The following HTT variants were observed in gnomAD, a reference collection of about 807,000 sequenced individuals.
HTT encodes huntingtin, also known as huntington disease protein.
Under a neutral mutation model 362.3 loss-of-function variants are expected in HTT, and 104 were observed. The ratio of observed to expected loss-of-function variants is 0.29; its 90% confidence interval spans 0.24 to 0.34. HTT has a LOEUF of 0.34. Among genes scored for constraint, HTT ranks in the 10% least tolerant of loss-of-function variants. The probability of loss-of-function intolerance (pLI) is 1.00; values close to 1 mark genes in which losing one functional copy is unlikely to be tolerated. For missense variants in HTT, 3,301 were observed against 3,928.6 expected (o/e 0.84, Z 4.27); for synonymous variants, 1,577 against 1,548.7 (o/e 1.02, Z -0.43).
intron 61 of HTT, among the ~76,000 whole-genome samples, chr4:3,234,741 T>TA (rs1258281257): frequency 1.3e-5 from 2 of 152,192 alleles, no homozygotes; most frequent in Non-Finnish European, 1.5e-5. Flanking sequence ...TGGTGACAGA[T>TA]ATACGCATCA....
chr4:3,101,509 G>A (rs1439862007), intron 3 of HTT, among the ~76,000 whole-genome samples: 11 of 152,246 alleles, frequency 7.2e-5, no homozygotes, highest in African/African-American at 2.7e-4. Flanking sequence ...AGGGGGAGGC[G>A]TGGGAGAGCA....
At chr4:3,176,819 G>C (rs1470343710) in intron 33 of HTT, among the ~76,000 whole-genome samples, 1 of 152,230 alleles carries the variant, frequency 6.6e-6, no homozygotes, top group Non-Finnish European at 1.5e-5. Flanking sequence ...GAGGCTCTGA[G>C]AAAACCAGGC....
At position 3,235,791 on chromosome 4, in the gene HTT, A is replaced by T. The variant is rs778627138; in HGVS notation, c.8785+13A>T. On this transcript the variant is annotated intron_variant, in intron 63 of 66. Transcript: ENST00000355072. ...TGCATGTACACAGGTGAGCATGTAC[A>T]CGGTGCCCATAAGGCCAGCCCAAGT... 14 of 1,594,482 alleles carry T rather than the reference A, an allele frequency of 8.8e-6. No homozygotes were observed. The East Asian group carries it at 2.9e-4, about 33-fold the overall frequency.
intron 39 of HTT, 106 bp downstream of exon 39, chr4:3,187,992 GAGTTGGGTAAAGA>G: frequency 1.5e-6 from 1 of 675,100 alleles, no homozygotes; most frequent in East Asian, 2.7e-5. Flanking sequence ...CTTCACTTCT[GAGTTGGGTAAAGA>G]AGTCTGTATC....
chr4:3,235,463 A>G (rs2110302781), intron 62 of HTT, 65 bp downstream of exon 62: 1 of 1,505,014 alleles, frequency 6.6e-7, no homozygotes, highest in Admixed American at 1.7e-5. Context: ...TTTTCCTTGC[A>G]GGATCATACC....
Position 3,160,307 on chromosome 4 carries a change from C to T in HTT, c.3779C>T (p.Thr1260Met), listed in dbSNP as rs34315806. 4.7e-3 allele frequency: 7,334 copies of T among 1,552,390 alleles called. 249 individuals are homozygous for T. In the African/African-American group the frequency reaches 0.08, roughly 17 times the overall value. The change falls in exon 29 of 67, where the codon ACG (threonine) becomes ATG (methionine). Residue 1260 changes from threonine to methionine, a missense_variant. Physicochemically the swap from Thr to Met is moderately conservative, Grantham distance 81. Transcript: ENST00000355072. The stretch of plus-strand genomic sequence containing the variant: ...GTCACGCTGGATCTTCAGAACAGCA[C>T]GGAAAAGTTTGGAGGGTTTCTCCGC... Reference protein sequence around the residue: ...YKVTLDLQNSTEKFGGFLRSA... With the variant: ...YKVTLDLQNSMEKFGGFLRSA...
Position 3,242,163 on chromosome 4 carries a change from CTG to C in HTT, c.*2107_*2108del, listed in dbSNP as rs1325581952. On this transcript the variant is annotated 3_prime_UTR_variant, in exon 67 of 67. Transcript: ENST00000355072. Reference sequence around the variant, plus strand: ...ATGTTTACATTTGTAAGAAATAACACTGTGAATGTAAAACAGAGCCATTCCCT... The same window carrying C: ...ATGTTTACATTTGTAAGAAATAACACTGAATGTAAAACAGAGCCATTCCCT... 2.0e-5 allele frequency: 3 copies of C among 152,168 alleles called. No individual in the cohort carries two copies. The highest frequency in any genetic ancestry group is 6.5e-5 in the Admixed American group (1 of 15,280). 9.4% of individuals were successfully genotyped at this position (152,168 alleles called of 1,614,324 possible). A position where few individuals can be genotyped will look rare whatever the true frequency, so the allele number is the denominator to read the frequency against.
At chr4:3,103,768 G>T in intron 3 of HTT, 56 bp from the exon 4 acceptor site, 1 of 1,104,094 alleles carries the variant, frequency 9.1e-7, no homozygotes, top group Non-Finnish European at 1.4e-6. Flanking sequence ...CTTTTAGCTC[G>T]TTTTAGAACT....
intron 51 of HTT, 59 bp from the exon 52 acceptor site, chr4:3,217,706 A>T: frequency 7.0e-7 from 1 of 1,429,592 alleles, no homozygotes; most frequent in Non-Finnish European, 9.6e-7. Flanking sequence ...CATGCTTTCT[A>T]CACTGGGCAT....
At chr4:3,103,051 A>G (rs1714233834) in intron 3 of HTT, among the ~76,000 whole-genome samples, 1 of 151,980 alleles carries the variant, frequency 6.6e-6, no homozygotes, top group Non-Finnish European at 1.5e-5. Flanking sequence ...GTTCTAGGCC[A>G]GAGCGAGGGT....
intron 51 of HTT, among the ~76,000 whole-genome samples, chr4:3,216,745 G>A (rs1720417918): frequency 6.6e-6 from 1 of 152,182 alleles, no homozygotes; most frequent in South Asian, 2.1e-4. Context: ...ATATTAATAG[G>A]CCGGGCGCGG....
intron 2 of HTT, among the ~76,000 whole-genome samples, chr4:3,095,002 A>G (rs879755987): frequency 2.4e-4 from 36 of 151,586 alleles, no homozygotes; most frequent in South Asian, 2.3e-3. Flanking sequence ...CACTTCCTAG[A>G]TGGGATGACA....
At position 3,074,888 on chromosome 4, in the gene HTT, G is replaced by GCAA. The variant is rs1578474937; in HGVS notation, c.65_66insACA (p.Gln38dup). 1 of 1,259,882 alleles carries GCAA rather than the reference G, an allele frequency of 7.9e-7. No homozygotes were observed. Among genetic ancestry groups the GCAA allele is most frequent in the South Asian group, 1.4e-5 (1 of 69,768 alleles). 78.0% of individuals were successfully genotyped at this position (1,259,882 alleles called of 1,614,324 possible). On this transcript the variant is annotated inframe_insertion, in exon 1 of 67. Transcript: ENST00000355072. Reference sequence around the variant, plus strand: ...CCCTCAAGTCCTTCCAGCAGCAGCAGCAGCAGCAGCAGCAGCAGCAGCAGC... The same window carrying GCAA: ...CCCTCAAGTCCTTCCAGCAGCAGCAGCAACAGCAGCAGCAGCAGCAGCAGCAGC...
At chr4:3,077,803 A>G (rs1345939885) in intron 1 of HTT, among the ~76,000 whole-genome samples, 1 of 152,234 alleles carries the variant, frequency 6.6e-6, no homozygotes. Context: ...TTTTAAATAA[A>G]ATGCATATTT....
intron 2 of HTT, among the ~76,000 whole-genome samples, chr4:3,097,370 G>A (rs1002195599): frequency 1.3e-4 from 20 of 152,228 alleles, no homozygotes; most frequent in Middle Eastern, 3.4e-3. Context: ...GGTGGTTCAC[G>A]CCTGTAATCC....
intron 51 of HTT, among the ~76,000 whole-genome samples, chr4:3,216,989 C>T (rs899335610): frequency 6.7e-6 from 1 of 150,222 alleles, no homozygotes. Flanking sequence ...CCCGCCACTG[C>T]ACTCCAGCCT....
chr4:3,184,063 G>C (rs1718646737), intron 37 of HTT, among the ~76,000 whole-genome samples: 1 of 151,962 alleles, frequency 6.6e-6, no homozygotes, highest in African/African-American at 2.4e-5. Flanking sequence ...CGGCTGATCA[G>C]GAACACCGTA....
intron 14 of HTT, 147 bp from the exon 15 acceptor site, chr4:3,131,139 T>A (rs1460939982): frequency 3.1e-6 from 2 of 643,004 alleles, no homozygotes; most frequent in Non-Finnish European, 5.6e-6. Context: ...CTCTGTGAGG[T>A]CAGGTGTGCA....
Position 3,203,449 on chromosome 4 carries a change from C to T in HTT, c.5577-558C>T, listed in dbSNP as rs139636805. Among the ~76,000 whole-genome samples, 245 of 152,162 alleles carry T rather than the reference C, an allele frequency of 1.6e-3. 2 individuals carry two copies. The highest frequency in any genetic ancestry group is 2.9e-3 in the Admixed American group (45 of 15,298). On this transcript the variant is annotated intron_variant, in intron 41 of 66. Transcript: ENST00000355072. ...CCAAGAGTCTCAAGGTTTATAATTC[C>T]CACGTATTCAAAAAGAAAAAAACAA...
Sources: allele counts gnomAD v4.1 joint callset (sites outside exome capture counted in the v4.1 genomes callset), GRCh38; gene constraint gnomAD v4.1.1; transcripts MANE v1.5; gene names NCBI Gene and HGNC (gene_info 2026-07-23, HGNC 2026-07-21).